Variants in PRRX1 observed in about 807,000 individuals in gnomAD.
PRRX1 encodes paired mesoderm homeobox protein 1.
Under a neutral mutation model 24.0 loss-of-function variants are expected in PRRX1, and 8 were observed. The observed-to-expected ratio is 0.33, with a 90% CI of 0.20 to 0.60. The LOEUF (loss-of-function observed/expected upper bound fraction) is 0.60, where lower values mean the gene tolerates loss of function less well. PRRX1 is among the 20% of genes least tolerant of loss of function. The probability of loss-of-function intolerance (pLI) is 0.82; values close to 1 mark genes in which losing one functional copy is unlikely to be tolerated. For missense variants in PRRX1, 281 were observed against 322.4 expected, an observed-to-expected ratio of 0.87 and a Z score of 0.98; for synonymous variants, 160 against 131.7, an observed-to-expected ratio of 1.22 and a Z score of -1.47.
At chr1:170,677,338 C>G (rs919051004) in intron 1 of PRRX1, among the ~76,000 whole-genome samples, 2 of 152,178 alleles carry the variant, frequency 1.3e-5, no homozygotes, top group Non-Finnish European at 2.9e-5. Flanking sequence ...AAGCAAAATG[C>G]CTAGTACCCT....
intron 3 of PRRX1, chr1:170,730,624 T>G: frequency 5.3e-6 from 2 of 374,008 alleles, no homozygotes; most frequent in Non-Finnish European, 9.8e-6. Context: ...AATTCCAGGT[T>G]GGAGCTTGGA....
At chr1:170,717,588 T>C (rs576899745) in intron 1 of PRRX1, among the ~76,000 whole-genome samples, 3 of 152,116 alleles carry the variant, frequency 2.0e-5, no homozygotes, top group East Asian at 3.9e-4. Context: ...TAAAACAAAG[T>C]ACAGAAGCTA....
intron 1 of PRRX1, chr1:170,669,451 A>AAAAAAAAAAAAAAAAAAAAAAAAAC: frequency 6.8e-6 from 1 of 147,718 alleles, no homozygotes; most frequent in African/African-American, 2.5e-5. Flanking sequence ...AAAAAAAAAA[A>AAAAAAAAAAAAAAAAAAAAAAAAAC]AAATTCAGAA....
chr1:170,681,046 A>G (rs1653487067), intron 1 of PRRX1, among the ~76,000 whole-genome samples: 1 of 152,194 alleles, frequency 6.6e-6, no homozygotes, highest in Non-Finnish European at 1.5e-5. Flanking sequence ...AAATGATTCC[A>G]CTTAACTTGT....
intron 1 of PRRX1, among the ~76,000 whole-genome samples, chr1:170,664,841 G>T (rs1269290860): frequency 6.6e-6 from 1 of 152,246 alleles, no homozygotes; most frequent in Non-Finnish European, 1.5e-5. Context: ...CAGAGAGCCA[G>T]CGCTGTTTGG....
chr1:170,716,347 G>A (rs1402893056), intron 1 of PRRX1, among the ~76,000 whole-genome samples: 1 of 152,196 alleles, frequency 6.6e-6, no homozygotes, highest in Non-Finnish European at 1.5e-5. Flanking sequence ...CACTTTGGGA[G>A]GCCGAGGCAG....
At chr1:170,684,303 A>T (rs1198863163) in intron 1 of PRRX1, among the ~76,000 whole-genome samples, 1 of 152,204 alleles carries the variant, frequency 6.6e-6, no homozygotes, top group Non-Finnish European at 1.5e-5. Context: ...ATTTTATCTC[A>T]GAAACTTAAT....
intron 1 of PRRX1, among the ~76,000 whole-genome samples, chr1:170,708,262 A>ACATG (rs1654629437): frequency 1.3e-5 from 2 of 152,148 alleles, no homozygotes; most frequent in African/African-American, 4.8e-5. Context: ...ACAACAGGGG[A>ACATG]CATGATTCAA....
At chr1:170,682,921 C>T (rs1653603061) in intron 1 of PRRX1, among the ~76,000 whole-genome samples, 2 of 152,214 alleles carry the variant, frequency 1.3e-5, no homozygotes, top group Admixed American at 6.5e-5. Context: ...AGGAAGTGAA[C>T]AGCAAGTGCA....
At chr1:170,706,593 C>A (rs1026318532) in intron 1 of PRRX1, among the ~76,000 whole-genome samples, 2 of 152,130 alleles carry the variant, frequency 1.3e-5, no homozygotes, top group Non-Finnish European at 2.9e-5. Context: ...ACTTCTCATA[C>A]ATTTCTATGA....
intron 1 of PRRX1, among the ~76,000 whole-genome samples, chr1:170,714,195 T>C (rs1369926354): frequency 6.6e-6 from 1 of 152,244 alleles, no homozygotes; most frequent in Non-Finnish European, 1.5e-5. Flanking sequence ...TCTATTTCAC[T>C]GCTTTTCATG....
intron 1 of PRRX1, among the ~76,000 whole-genome samples, chr1:170,718,627 A>G (rs1293683275): frequency 6.6e-6 from 1 of 152,128 alleles, no homozygotes; most frequent in Non-Finnish European, 1.5e-5. Flanking sequence ...GGGAAAAGCT[A>G]TGGGGAATGT....
chr1:170,710,496 A>G (rs558947251), intron 1 of PRRX1, among the ~76,000 whole-genome samples: 2 of 152,324 alleles, frequency 1.3e-5, no homozygotes, highest in East Asian at 3.9e-4. Flanking sequence ...CATATTTTAC[A>G]ATAAAATATA....
chr1:170,730,202 A>G, intron 3 of PRRX1: 2 of 1,246,444 alleles, frequency 1.6e-6, no homozygotes, highest in Non-Finnish European at 1.2e-6. Context: ...CCCTCATTTG[A>G]TCGTGGTCAT....
intron 1 of PRRX1, chr1:170,669,552 A>T (rs1473936883): frequency 2.0e-5 from 3 of 151,980 alleles, no homozygotes; most frequent in Non-Finnish European, 4.4e-5. Flanking sequence ...TAGATTTTCA[A>T]CCACGACAAT....
intron 1 of PRRX1, among the ~76,000 whole-genome samples, chr1:170,715,282 C>G (rs1190615785): frequency 1.3e-5 from 2 of 152,102 alleles, no homozygotes; most frequent in African/African-American, 4.8e-5. Flanking sequence ...CACTAAAATT[C>G]TAATATTGTG....
chr1:170,687,977 G>A (rs561101382), intron 1 of PRRX1, among the ~76,000 whole-genome samples: 4 of 152,128 alleles, frequency 2.6e-5, no homozygotes, highest in Middle Eastern at 3.4e-3. Flanking sequence ...GAGAAGGACC[G>A]GGAAAGAGAA....
intron 1 of PRRX1, among the ~76,000 whole-genome samples, chr1:170,675,536 TTATA>T (rs1653291442): frequency 7.2e-5 from 11 of 152,164 alleles, no homozygotes; most frequent in African/African-American, 2.7e-4. Flanking sequence ...AGGTATTTCT[TTATA>T]CCTTTTAGAG....
chr1:170,700,053 A>G (rs1203724294), intron 1 of PRRX1, among the ~76,000 whole-genome samples: 1 of 152,174 alleles, frequency 6.6e-6, no homozygotes, highest in Non-Finnish European at 1.5e-5. Context: ...TTTCATATAT[A>G]TGCTTATAAT....
Sources: allele counts gnomAD v4.1 joint callset (sites outside exome capture counted in the v4.1 genomes callset), GRCh38; gene constraint gnomAD v4.1.1; transcripts MANE v1.5; gene names NCBI Gene and HGNC (gene_info 2026-07-23, HGNC 2026-07-21).